MSI1: variants seen among roughly 807,000 people sequenced by gnomAD.
MSI1 encodes the protein musashi RNA binding protein 1.
MSI1 carries 15 observed loss-of-function variants against 54.4 expected under a neutral mutation model. The observed-to-expected ratio is 0.28, with a 90% CI of 0.18 to 0.42. MSI1 has a LOEUF of 0.42. Ranked by LOEUF, MSI1 falls within the 20% of genes least tolerant of loss-of-function variation. The pLI, the probability that MSI1 is intolerant of heterozygous loss-of-function variation, is 1.00. For synonymous variants in MSI1, 200 were observed against 196.5 expected, an observed-to-expected ratio of 1.02 and a Z score of -0.15; for missense variants, 304 against 506.0, an observed-to-expected ratio of 0.60 and a Z score of 3.83.
At chr12:120,355,266 A>G (rs1211798785) in intron 9 of MSI1, among the ~76,000 whole-genome samples, 40 of 151,770 alleles carry the variant, frequency 2.6e-4, no homozygotes, top group Admixed American at 2.6e-3. Flanking sequence ...TTAGCTGGGC[A>G]CGGTGGCGGG....
chr12:120,351,951 G>A (rs542561136), intron 10 of MSI1, among the ~76,000 whole-genome samples: 110 of 148,292 alleles, frequency 7.4e-4, no homozygotes, highest in Non-Finnish European at 1.2e-3. Flanking sequence ...CTCGTGATCC[G>A]CCCGTCTTGG....
At chr12:120,359,140 C>T (rs985877580) in intron 6 of MSI1, 87 bp from the exon 7 acceptor site, 5 of 1,491,742 alleles carry the variant, frequency 3.4e-6, no homozygotes, top group Non-Finnish European at 4.6e-6. Context: ...AACCCACTGC[C>T]CTCTTGCCCA....
At chr12:120,346,988 T>TAACA (rs1874182880) in intron 12 of MSI1, among the ~76,000 whole-genome samples, 2 of 152,210 alleles carry the variant, frequency 1.3e-5, no homozygotes, top group Middle Eastern at 3.4e-3. Flanking sequence ...CTCACTCTGT[T>TAACA]GCCCAGGCTG....
At chr12:120,366,254 G>A (rs1471143533) in intron 4 of MSI1, among the ~76,000 whole-genome samples, 1 of 152,230 alleles carries the variant, frequency 6.6e-6, no homozygotes, top group East Asian at 1.9e-4. Flanking sequence ...AGCTGGCTCT[G>A]GCTTCTCTCT....
Position 120,368,899 on chromosome 12 carries a change from G to A in MSI1, c.60-26C>T. 3 of 1,403,654 alleles carry A rather than the reference G, an allele frequency of 2.1e-6. No individual in the cohort carries two copies. Among genetic ancestry groups the A allele is most frequent in the Non-Finnish European group, 2.8e-6 (3 of 1,063,012 alleles). The allele number at this position is 1,403,654 out of a possible 1,614,324, so 86.9% of individuals were successfully genotyped here. On this transcript the variant is annotated intron_variant, in intron 1 of 14. Coordinates refer to ENST00000257552, the MANE Select transcript of MSI1 (RefSeq NM_002442.4). This position sits in a 1 kb window ranked among gnomAD's most constrained non-coding sequence, Gnocchi z 6.6. ...CTGCGGGAGGAGGAGAGACACAAAG[G>A]GCCCGCGTGAGCGCCGGGCGCCAGG...
intron 6 of MSI1, among the ~76,000 whole-genome samples, chr12:120,362,556 C>T (rs1470435698): frequency 6.6e-6 from 1 of 152,274 alleles, no homozygotes; most frequent in East Asian, 1.9e-4. Context: ...ACCCAGGGGA[C>T]CAGCAGCCCC....
intron 6 of MSI1, 145 bp from the exon 7 acceptor site, chr12:120,359,198 C>T (rs1451568769): frequency 3.3e-5 from 29 of 882,332 alleles, no homozygotes; most frequent in Non-Finnish European, 4.8e-5. Flanking sequence ...GACAACTTTC[C>T]TTCTGCAACC....
At chr12:120,349,529 C>T (rs1176088259) in intron 11 of MSI1, among the ~76,000 whole-genome samples, 6 of 152,306 alleles carry the variant, frequency 3.9e-5, no homozygotes, top group South Asian at 2.1e-4. Context: ...CCACCACCCC[C>T]GGCCTGTTTA....
intron 9 of MSI1, among the ~76,000 whole-genome samples, chr12:120,354,281 T>A (rs1454412737): frequency 1.3e-5 from 2 of 152,194 alleles, no homozygotes; most frequent in African/African-American, 4.8e-5. Context: ...GGCCAGAAAG[T>A]ACTCATGATT....
At position 120,359,014 on chromosome 12, in the gene MSI1, G is replaced by T. The variant is rs1210336675; in HGVS notation, c.442C>A (p.Arg148=). 4 of 1,565,314 alleles carry T rather than the reference G, an allele frequency of 2.6e-6. No homozygotes were observed. Among genetic ancestry groups the T allele is most frequent in the Admixed American group, 3.8e-5 (2 of 52,000 alleles). ...AMLMFDKTTN[R]HRGFGFVTFE... is the part of the protein sequence containing the mutation. ...AGGGGGCCACACTCACCTCGGTGCC[G>T]GTTGGTGGTTTTGTCAAACATCAGC... Residue 148 remains arginine, a synonymous_variant, in exon 7 of 15, where the codon CGG becomes AGG. Transcript: ENST00000257552.
At chr12:120,360,001 T>C (rs918645260) in intron 6 of MSI1, among the ~76,000 whole-genome samples, 3 of 152,128 alleles carry the variant, frequency 2.0e-5, no homozygotes, top group African/African-American at 4.8e-5. Flanking sequence ...TTCTTTTTTT[T>C]TGGAGACAGA....
intron 7 of MSI1, among the ~76,000 whole-genome samples, chr12:120,358,733 G>A (rs1875360764): frequency 6.9e-6 from 1 of 143,944 alleles, no homozygotes; most frequent in African/African-American, 2.6e-5. Context: ...CCGGGCAGAG[G>A]CAGACACCAC....
chr12:120,365,036 T>C (rs1427689436), intron 4 of MSI1, among the ~76,000 whole-genome samples: 1 of 152,110 alleles, frequency 6.6e-6, no homozygotes, highest in Non-Finnish European at 1.5e-5. Context: ...TCAGCCTCCC[T>C]AGTAGCTGGG....
chr12:120,341,267 C>T (rs1873659121), downstream of MSI1: 1 of 152,322 alleles, frequency 6.6e-6, no homozygotes, highest in Non-Finnish European at 1.5e-5. Context: ...TCCTGCCATC[C>T]CTAAAACAGG....
rs149293155 is a variant in MSI1 at position 120,351,337 on chromosome 12, G to C, written c.790+7C>G. The stretch of plus-strand genomic sequence containing the variant: ...CCTGAGAGGTATACAAAATCCGAGC[G>C]ACTGACCTGTAAGCTCGGGGAGGAC... On this transcript the variant is annotated splice_region_variant and intron_variant, in intron 11 of 14. Transcript: ENST00000257552. 1.9e-6 allele frequency: 3 copies of C among 1,612,396 alleles called. No homozygotes were observed. In the African/African-American group the frequency reaches 4.0e-5, roughly 22 times the overall value.
intron 4 of MSI1, 45 bp downstream of exon 4, chr12:120,367,963 G>C: frequency 6.4e-7 from 1 of 1,561,442 alleles, no homozygotes; most frequent in African/African-American, 1.4e-5. Context: ...TCCTCCGGCA[G>C]CCTCCCTCTC....
intron 11 of MSI1, among the ~76,000 whole-genome samples, chr12:120,350,077 A>G (rs1222374141): frequency 2.0e-5 from 3 of 152,188 alleles, no homozygotes; most frequent in African/African-American, 7.2e-5. Context: ...GCTGGAGTGC[A>G]GTGATGCAAT....
chr12:120,357,785 G>GC, intron 8 of MSI1, 31 bp downstream of exon 8: 2 of 1,606,142 alleles, frequency 1.2e-6, no homozygotes, highest in Middle Eastern at 3.3e-4. Context: ...TGGCTTACAG[G>GC]CGTGAGCCAC....
intron 11 of MSI1, 106 bp from the exon 12 acceptor site, chr12:120,347,620 G>C: frequency 7.2e-7 from 1 of 1,391,702 alleles, no homozygotes; most frequent in Non-Finnish European, 1.0e-6. Context: ...CCCTACCTCA[G>C]AGGGTTCCAT....
Sources: gnomAD v4.1 joint callset for allele counts (sites outside exome capture counted in the v4.1 genomes callset) on GRCh38, gnomAD v4.1.1 for gene constraint, Gnocchi (gnomAD v3.1) non-coding constraint, MANE v1.5 for transcripts, NCBI Gene and HGNC (gene_info 2026-07-23, HGNC 2026-07-21) for gene names.